Variants in NTNG1 observed in about 807,000 individuals in gnomAD.
NTNG1 encodes the protein netrin-G1.
In NTNG1, 16 loss-of-function variants were observed where a neutral mutation model predicts 54.0. That is an observed-to-expected ratio of 0.30 (90% CI 0.20 to 0.45). The LOEUF (loss-of-function observed/expected upper bound fraction) is 0.45, where lower values mean the gene tolerates loss of function less well. NTNG1 is among the 20% of genes least tolerant of loss of function. NTNG1 has a pLI of 1.00. For synonymous variants in NTNG1, 255 were observed against 263.1 expected (o/e 0.97, Z 0.30); for missense variants, 530 against 678.7 (o/e 0.78, Z 2.43).
At chr1:107,200,209 T>G (rs936139860) in intron 2 of NTNG1, among the ~76,000 whole-genome samples, 2 of 151,492 alleles carry the variant, frequency 1.3e-5, no homozygotes, top group African/African-American at 4.8e-5. Context: ...ATTCATTCAT[T>G]TAGTCATTCA....
chr1:107,475,751 T>C (rs1487005540), intron 7 of NTNG1, among the ~76,000 whole-genome samples: 2 of 152,190 alleles, frequency 1.3e-5, no homozygotes, highest in African/African-American at 2.4e-5. Flanking sequence ...TCTTTTACAT[T>C]AATTGAGAAG....
chr1:107,234,989 G>A (rs1661311655), intron 2 of NTNG1, among the ~76,000 whole-genome samples: 1 of 151,792 alleles, frequency 6.6e-6, no homozygotes, highest in African/African-American at 2.4e-5. Flanking sequence ...ACTTTTATTG[G>A]GTGCTTTCCA....
rs187934386 is a variant in NTNG1, at chr1:107,376,347, A to G, written c.888-18807A>G. On this transcript the variant is annotated intron_variant, in intron 3 of 7. Coordinates refer to ENST00000370068, the MANE Select transcript of NTNG1 (RefSeq NM_001113226.3). ...GGCGTGAACCCGGGAGGCGGAGCTT[A>G]CAGTGAGCCGAGGTCGCGCCACTGC... 5.6e-3 allele frequency among the ~76,000 whole-genome samples: 853 copies of G among 151,968 alleles called. 14 individuals are homozygous for G. Among genetic ancestry groups the G allele is most frequent in the African/African-American group, 0.016 (675 of 41,480 alleles).
chr1:107,437,136 A>AT (rs1292574262), intron 7 of NTNG1, among the ~76,000 whole-genome samples: 1 of 152,188 alleles, frequency 6.6e-6, no homozygotes, highest in African/African-American at 2.4e-5. Context: ...TGTGCATGTG[A>AT]TTAATATATT....
chr1:107,461,990 A>G (rs972690347), intron 7 of NTNG1, among the ~76,000 whole-genome samples: 1 of 152,256 alleles, frequency 6.6e-6, no homozygotes, highest in Non-Finnish European at 1.5e-5. Context: ...GCAGGATTAC[A>G]GTAGACCAGG....
At chr1:107,389,325 C>T (rs554315368) in intron 3 of NTNG1, among the ~76,000 whole-genome samples, 6 of 152,222 alleles carry the variant, frequency 3.9e-5, no homozygotes, top group Middle Eastern at 3.4e-3. Flanking sequence ...GTCTCAGTAC[C>T]TCTATTTTGA....
At chr1:107,375,545 T>G (rs535714653) in intron 3 of NTNG1, among the ~76,000 whole-genome samples, 3 of 152,352 alleles carry the variant, frequency 2.0e-5, no homozygotes, top group African/African-American at 7.2e-5. Context: ...AGGGTACTAT[T>G]GATCAGCTAT....
At chr1:107,380,655 A>G (rs1487470958) in intron 3 of NTNG1, among the ~76,000 whole-genome samples, 1 of 152,212 alleles carries the variant, frequency 6.6e-6, no homozygotes, top group Non-Finnish European at 1.5e-5. Context: ...ATATTTCCAC[A>G]GCGAGGAGAT....
intron 2 of NTNG1, among the ~76,000 whole-genome samples, chr1:107,217,371 T>C (rs986444963): frequency 2.6e-5 from 4 of 152,182 alleles, no homozygotes; most frequent in African/African-American, 9.7e-5. Context: ...GTCTATTAAT[T>C]TTATTTATCT....
intron 2 of NTNG1, among the ~76,000 whole-genome samples, chr1:107,162,293 C>T (rs145123769): frequency 1.1e-4 from 16 of 152,134 alleles, no homozygotes; most frequent in South Asian, 1.0e-3. Context: ...GAACTCCTAT[C>T]GACAGATTTT....
chr1:107,378,418 G>T (rs927551293), intron 3 of NTNG1, among the ~76,000 whole-genome samples: 12 of 152,140 alleles, frequency 7.9e-5, no homozygotes, highest in Non-Finnish European at 1.6e-4. Context: ...AAAAATCAGG[G>T]TCAGACACTT....
At chr1:107,204,439 T>C (rs1202037066) in intron 2 of NTNG1, among the ~76,000 whole-genome samples, 2 of 152,138 alleles carry the variant, frequency 1.3e-5, no homozygotes, top group Non-Finnish European at 2.9e-5. Context: ...TTCACTACCA[T>C]GTGAATGACC....
At chr1:107,238,542 A>G (rs953850704) in intron 2 of NTNG1, among the ~76,000 whole-genome samples, 1 of 152,102 alleles carries the variant, frequency 6.6e-6, no homozygotes, top group African/African-American at 2.4e-5. Context: ...CCCAAATCTC[A>G]TTTTGATTTC....
intron 2 of NTNG1, among the ~76,000 whole-genome samples, chr1:107,248,358 C>T (rs1035943498): frequency 2.0e-5 from 3 of 152,144 alleles, no homozygotes; most frequent in African/African-American, 7.2e-5. Flanking sequence ...CTATGTAATA[C>T]GATGTCTTCT....
chr1:107,269,586 C>T (rs1475148340), intron 2 of NTNG1, among the ~76,000 whole-genome samples: 1 of 152,156 alleles, frequency 6.6e-6, no homozygotes, highest in Non-Finnish European at 1.5e-5. Flanking sequence ...CCTAGAATAA[C>T]ATCTGATACA....
intron 2 of NTNG1, among the ~76,000 whole-genome samples, chr1:107,247,944 A>G (rs1385470264): frequency 6.6e-6 from 1 of 152,174 alleles, no homozygotes; most frequent in Non-Finnish European, 1.5e-5. Flanking sequence ...AGAGGCTCAG[A>G]CTCACCAACT....
chr1:107,276,842 T>A (rs1209390775), intron 2 of NTNG1, among the ~76,000 whole-genome samples: 1 of 151,978 alleles, frequency 6.6e-6, no homozygotes, highest in Non-Finnish European at 1.5e-5. Context: ...TTTTTTTGTC[T>A]TATTGAAGAG....
At chr1:107,250,356 G>T (rs1245349341) in intron 2 of NTNG1, among the ~76,000 whole-genome samples, 1 of 152,148 alleles carries the variant, frequency 6.6e-6, no homozygotes, top group Non-Finnish European at 1.5e-5. Context: ...AGGAAGGCAT[G>T]GCAGGTGTGC....
intron 3 of NTNG1, among the ~76,000 whole-genome samples, chr1:107,371,427 A>G (rs941910055): frequency 3.9e-5 from 6 of 152,106 alleles, no homozygotes; most frequent in East Asian, 1.9e-4. Flanking sequence ...TATACATGAT[A>G]GATTCTATAG....
Sources: allele counts gnomAD v4.1 joint callset (sites outside exome capture counted in the v4.1 genomes callset), GRCh38; gene constraint gnomAD v4.1.1; transcripts MANE v1.5; gene names NCBI Gene and HGNC (gene_info 2026-07-23, HGNC 2026-07-21).